Variants in CDKL3 observed in about 807,000 individuals in gnomAD.
The protein encoded by CDKL3 is cyclin-dependent kinase-like 3.
CDKL3 carries 65 observed loss-of-function variants against 69.3 expected under a neutral mutation model. That is an observed-to-expected ratio of 0.94 (90% confidence interval 0.77 to 1.15). CDKL3 has a LOEUF of 1.15. Ranked by LOEUF, CDKL3 falls within the 50% of genes most tolerant of loss-of-function variation. The pLI, the probability that CDKL3 is intolerant of heterozygous loss-of-function variation, is 0.00. For synonymous variants in CDKL3, 202 were observed against 221.6 expected (o/e 0.91, Z 0.79); for missense variants, 652 against 689.2 (o/e 0.95, Z 0.61).
chr5:134,307,935 T>G, intron 9 of CDKL3: 1 of 668,716 alleles, frequency 1.5e-6, no homozygotes, highest in Non-Finnish European at 2.2e-6. Flanking sequence ...TAGTGAAAAT[T>G]TAAACATCTA....
Position 134,308,406 on chromosome 5 carries a change from C to T in CDKL3, c.1096G>A (p.Gly366Arg), listed in dbSNP as rs762728875. Residue 366 changes from glycine to arginine, a missense_variant, in exon 9 of 13, where the codon GGA becomes AGA. Physicochemically the swap from Gly to Arg is moderately radical, Grantham distance 125. Coordinates refer to ENST00000265334, the MANE Select transcript of CDKL3 (RefSeq NM_001113575.2). Reference sequence around the variant, plus strand: ...TTTGGTTCTGAGATATCTCCTCTTCCTCCTTTGACTTTAATAACTCTGACT... The same window carrying T: ...TTTGGTTCTGAGATATCTCCTCTTCTTCCTTTGACTTTAATAACTCTGACT... ...IKVRVIKVKGGRGDISEPKKK... is the reference protein window; with the variant it reads ...IKVRVIKVKGRRGDISEPKKK... 4.3e-6 allele frequency: 7 copies of T among 1,613,366 alleles called. No individual in the cohort carries two copies. Among genetic ancestry groups the T allele is most frequent in the African/African-American group, 2.7e-5 (2 of 74,902 alleles).
upstream of CDKL3, chr5:134,371,474 C>G (rs34835090): frequency 1.3e-6 from 1 of 786,320 alleles, no homozygotes; most frequent in East Asian, 4.8e-5. Context: ...TTGTCAGTCT[C>G]GGCGGCGGCG....
In CDKL3 at chr5:134,367,126, C is replaced by G; in HGVS notation, c.-171G>C. The G allele has an allele frequency of 1.0e-6, 1 of 985,796 alleles. No homozygotes were observed. The highest frequency in any genetic ancestry group is 1.2e-6 in the Non-Finnish European group (1 of 830,222). 61.1% of individuals were successfully genotyped at this position (985,796 alleles called of 1,614,324 possible). A position where few individuals can be genotyped will look rare whatever the true frequency, so the allele number is the denominator to read the frequency against. ...CTTTGTTGCTCAGCCCCGCAAGGAA[C>G]CGGCCACTTGCCACCATGGAAACGC... On this transcript the variant is annotated 5_prime_UTR_variant, in exon 1 of 13. Coordinates refer to ENST00000265334, the MANE Select transcript of CDKL3 (RefSeq NM_001113575.2).
At chr5:134,314,515 A>G (rs951433591) in intron 6 of CDKL3, among the ~76,000 whole-genome samples, 2 of 152,212 alleles carry the variant, frequency 1.3e-5, no homozygotes, top group African/African-American at 4.8e-5. Flanking sequence ...TTCTCATGGC[A>G]ACTTTATTTG....
At chr5:134,361,510 C>G (rs1410363283) in intron 2 of CDKL3, among the ~76,000 whole-genome samples, 2 of 152,332 alleles carry the variant, frequency 1.3e-5, no homozygotes, top group East Asian at 3.8e-4. Flanking sequence ...AGAAAAACAT[C>G]CAAAATATAA....
At chr5:134,300,842 G>T (rs148694183) in intron 12 of CDKL3, among the ~76,000 whole-genome samples, 1 of 152,150 alleles carries the variant, frequency 6.6e-6, no homozygotes, top group African/African-American at 2.4e-5. Flanking sequence ...CACATTAATA[G>T]TCTGCCTACC....
chr5:134,336,235 C>A (rs1406428375), intron 4 of CDKL3, among the ~76,000 whole-genome samples: 1 of 151,918 alleles, frequency 6.6e-6, no homozygotes, highest in Non-Finnish European at 1.5e-5. Context: ...AACCTTTTTT[C>A]AAGGTTTTTA....
upstream of CDKL3, chr5:134,371,593 A>G (rs1452173218): frequency 3.1e-6 from 5 of 1,610,724 alleles, no homozygotes; most frequent in Non-Finnish European, 4.2e-6. Context: ...GCAGCTGCGG[A>G]GCATGTCGAC....
Position 134,350,335 on chromosome 5 carries a change from T to C in CDKL3, c.453A>G (p.Ala151=). The C allele has an allele frequency of 6.3e-7, 1 of 1,593,572 alleles. No homozygotes were observed. Among genetic ancestry groups the C allele is most frequent in the Non-Finnish European group, 8.6e-7 (1 of 1,169,546 alleles). ...AGTCCGTATAAATGTCCCCAGGAGCTGCTAGTGTTCGTGCAAAACCAAAAT... is the reference window on the plus strand; with the variant it reads ...AGTCCGTATAAATGTCCCCAGGAGCCGCTAGTGTTCGTGCAAAACCAAAAT... The part of the protein sequence containing the change: ...LCDFGFARTL[A]APGDIYTDYV... The change falls in exon 4 of 13, where the codon GCA becomes GCG. Residue 151 remains alanine, a synonymous_variant. Transcript: ENST00000265334.
In CDKL3 at chr5:134,328,586, T is replaced by C. The variant is rs1253135075; in HGVS notation, c.540-6683A>G. Among the ~76,000 whole-genome samples the C allele has an allele frequency of 2.0e-5, 3 of 150,974 alleles. No individual in the cohort carries two copies. In the East Asian group the frequency reaches 5.8e-4, roughly 29 times the overall value. ...TGTATACTAGGAATATAAAAATGAG[T>C]GGGGAGAATAGAAAAATATTTTATA... On this transcript the variant is annotated intron_variant, in intron 4 of 12. Transcript: ENST00000265334.
chr5:134,371,314 G>A, upstream of CDKL3: 1 of 560,342 alleles, frequency 1.8e-6, no homozygotes. Flanking sequence ...ATTACTTCAG[G>A]AAGCCCAGGG....
intron 2 of CDKL3, among the ~76,000 whole-genome samples, chr5:134,361,794 C>T (rs962538892): frequency 6.6e-6 from 1 of 152,124 alleles, no homozygotes; most frequent in African/African-American, 2.4e-5. Context: ...ATCCCAGCTA[C>T]TAGAGAGATT....
intron 9 of CDKL3, among the ~76,000 whole-genome samples, chr5:134,307,760 A>C (rs1410376971): frequency 6.6e-6 from 1 of 152,172 alleles, no homozygotes. Context: ...TTTTTTTACT[A>C]TCCTTTCTCC....
chr5:134,370,484 GTTTCT>G (rs904426448), upstream of CDKL3, among the ~76,000 whole-genome samples: 6 of 152,112 alleles, frequency 3.9e-5, no homozygotes, highest in African/African-American at 1.4e-4. Context: ...ATATTTGTAG[GTTTCT>G]TTGACAACCA....
intron 7 of CDKL3, among the ~76,000 whole-genome samples, chr5:134,311,241 T>C (rs868753760): frequency 2.6e-5 from 4 of 152,186 alleles, no homozygotes; most frequent in Non-Finnish European, 5.9e-5. Flanking sequence ...CAATGGCTCA[T>C]GCCTGTAATC....
At chr5:134,310,797 T>TA (rs1304128627) in intron 7 of CDKL3, among the ~76,000 whole-genome samples, 2 of 152,178 alleles carry the variant, frequency 1.3e-5, no homozygotes, top group Non-Finnish European at 2.9e-5. Flanking sequence ...AATGGCACTT[T>TA]AAATATATCA....
chr5:134,366,578 T>C, intron 1 of CDKL3, 34 bp from the exon 2 acceptor site: 1 of 1,315,028 alleles, frequency 7.6e-7, no homozygotes, highest in African/African-American at 1.5e-5. Context: ...ATGGAAAATG[T>C]TAAACGTTTA....
At chr5:134,284,090 T>G (rs1169106170), downstream of CDKL3, among the ~76,000 whole-genome samples, 1 of 152,192 alleles carries the variant, frequency 6.6e-6, no homozygotes, top group Non-Finnish European at 1.5e-5. Flanking sequence ...CCCTCCTGGC[T>G]GCTTTCATGG....
downstream of CDKL3, among the ~76,000 whole-genome samples, chr5:134,295,893 A>AATTTTTT (rs1324445554): frequency 1.3e-5 from 2 of 152,070 alleles, no homozygotes; most frequent in East Asian, 3.9e-4. Flanking sequence ...GAATGCTGAC[A>AATTTTTT]ATTTTTTATT....
Sources: allele counts gnomAD v4.1 joint callset (sites outside exome capture counted in the v4.1 genomes callset), GRCh38; gene constraint gnomAD v4.1.1; transcripts MANE v1.5; gene names NCBI Gene and HGNC (gene_info 2026-07-23, HGNC 2026-07-21).